The following CABP5 variants were observed in gnomAD, a reference collection of about 807,000 sequenced individuals.
CABP5 encodes the protein calcium-binding protein 5.
CABP5 carries 17 observed loss-of-function variants against 21.9 expected under a neutral mutation model. The observed-to-expected ratio is 0.78, with a 90% CI of 0.53 to 1.17. The LOEUF (loss-of-function observed/expected upper bound fraction) is 1.17. Among genes scored for constraint, CABP5 ranks in the 50% most tolerant of loss-of-function variants. The pLI is 0.00. For missense variants in CABP5, 229 were observed against 228.9 expected (o/e 1.00, Z 0.00); for synonymous variants, 85 against 79.4 (o/e 1.07, Z -0.37).
intron 5 of CABP5, among the ~76,000 whole-genome samples, chr19:48,030,882 C>A (rs1214458732): frequency 6.6e-6 from 1 of 150,864 alleles, no homozygotes. Flanking sequence ...AATCCCAGAA[C>A]TTTGGGAGGC....
In CABP5 at chr19:48,040,649, G is replaced by A. The variant is rs34862923; in HGVS notation, c.194C>T (p.Thr65Met). ...GCCGAGCTCAATCAGTTCCATCTCC[G>A]TGGGCATGTAACCCATCGTCCTCAT... ...NLMRTMGYMP[T>M]EMELIELGQQ... is the part of the protein sequence containing the mutation. The change falls in exon 3 of 6, where the codon ACG becomes ATG. Residue 65 changes from threonine to methionine, a missense_variant. Physicochemically the swap from Thr to Met is moderately conservative, Grantham distance 81. Coordinates refer to ENST00000293255, the MANE Select transcript of CABP5 (RefSeq NM_019855.5). The A allele has an allele frequency of 5.6e-5, 90 of 1,613,670 alleles. 2 individuals are homozygous for A. In the South Asian group the frequency reaches 8.3e-4, roughly 15 times the overall value.
chr19:48,031,268 G>T (rs1001775419), intron 5 of CABP5, among the ~76,000 whole-genome samples: 1 of 152,026 alleles, frequency 6.6e-6, no homozygotes, highest in Admixed American at 6.6e-5. Flanking sequence ...GGCCGGGCGC[G>T]GTGGCTCATA....
chr19:48,042,787 C>T (rs776023751), intron 1 of CABP5, among the ~76,000 whole-genome samples: 17 of 152,184 alleles, frequency 1.1e-4, no homozygotes, highest in Middle Eastern at 3.4e-3. Flanking sequence ...CTTGGCCAGG[C>T]TGGTCTTGAC....
At chr19:48,040,857 T>A in intron 2 of CABP5, 109 bp from the exon 3 acceptor site, 1 of 1,084,984 alleles carries the variant, frequency 9.2e-7, no homozygotes, top group Non-Finnish European at 1.3e-6. Flanking sequence ...TAAAGGAGCG[T>A]ACATTAGAAA....
rs141081429 is a variant in CABP5, at chr19:48,034,086, C to T, written c.496+129G>A. 9.7e-4 allele frequency: 868 copies of T among 892,304 alleles called. 7 individuals are homozygous for T. The African/African-American group carries it at 0.014, about 14-fold the overall frequency. 55.3% of individuals were successfully genotyped at this position (892,304 alleles called of 1,614,324 possible). On this transcript the variant is annotated intron_variant, in intron 5 of 5. Transcript: ENST00000293255. ...CAGAACAAATGCTTCCAAAACCTGCCACCCGCTTCCATTCTCAAACTTGGA... is the reference window on the plus strand; with the variant it reads ...CAGAACAAATGCTTCCAAAACCTGCTACCCGCTTCCATTCTCAAACTTGGA...
chr19:48,043,906 C>A lies in CABP5; in HGVS notation c.17G>T (p.Gly6Val). The A allele has an allele frequency of 6.7e-7, 1 of 1,502,998 alleles. No homozygotes were observed. The highest frequency in any genetic ancestry group is 1.3e-5 in the South Asian group (1 of 76,096). 93.1% of individuals were successfully genotyped at this position (1,502,998 alleles called of 1,614,324 possible). Reference sequence around the variant, plus strand: ...TTTCCTCAAGAAGATGCAGGCGGGGCCCATGGGGAACTGCATGGAGGGGTG... The same window carrying A: ...TTTCCTCAAGAAGATGCAGGCGGGGACCATGGGGAACTGCATGGAGGGGTG... MQFPM[G>V]PACIFLRKGI... The change falls in exon 1 of 6, where the codon GGC becomes GTC. Residue 6 changes from glycine (G) to valine (V), a missense_variant. Gly to Val is a moderately radical substitution (Grantham distance 109, BLOSUM62 -3). Coordinates refer to ENST00000293255, the MANE Select transcript of CABP5 (RefSeq NM_019855.5).
chr19:48,040,829 C>T, intron 2 of CABP5, 81 bp from the exon 3 acceptor site: 6 of 1,410,266 alleles, frequency 4.3e-6, no homozygotes, highest in Non-Finnish European at 6.0e-6. Flanking sequence ...ATCAATGAGG[C>T]TCCAACTAGA....
chr19:48,037,340 C>G (rs1967423949), intron 4 of CABP5, among the ~76,000 whole-genome samples: 1 of 124,346 alleles, frequency 8.0e-6, no homozygotes, highest in Non-Finnish European at 1.6e-5. Context: ...GCGATCTTGG[C>G]TCACTGCAAC....
Position 48,040,713 on chromosome 19 carries a change from G to T in CABP5, c.130C>A (p.Arg44=), listed in dbSNP as rs750592102. The T allele has an allele frequency of 3.7e-6, 6 of 1,613,798 alleles. No individual in the cohort carries two copies. The highest frequency in any genetic ancestry group is 4.2e-6 in the Non-Finnish European group (5 of 1,179,930). Residue 44 remains arginine, a synonymous_variant, in exon 3 of 6, where the codon CGA becomes AGA. Transcript: ENST00000293255. ...TCCTTACAAGAGATGAACCCATCTCGGTCCTTATCGAACTCAAGAAATGCT... is the reference window on the plus strand; with the variant it reads ...TCCTTACAAGAGATGAACCCATCTCTGTCCTTATCGAACTCAAGAAATGCT... ...REAFLEFDKD[R]DGFISCKDLG... is the part of the protein sequence containing the mutation.
At chr19:48,039,720 T>G (rs886367506) in intron 3 of CABP5, among the ~76,000 whole-genome samples, 2 of 133,492 alleles carry the variant, frequency 1.5e-5, no homozygotes, top group African/African-American at 5.6e-5. Context: ...TTTTTTTTTT[T>G]TTTTTTTTTT....
At chr19:48,036,466 A>T (rs1407832531) in intron 4 of CABP5, among the ~76,000 whole-genome samples, 1 of 152,184 alleles carries the variant, frequency 6.6e-6, no homozygotes, top group Non-Finnish European at 1.5e-5. Context: ...ACTTAAAATA[A>T]CCACACTCAT....
chr19:48,042,340 C>T (rs1007025285), intron 1 of CABP5, among the ~76,000 whole-genome samples: 3 of 152,158 alleles, frequency 2.0e-5, no homozygotes, highest in Non-Finnish European at 2.9e-5. Context: ...AGGGTCAGTG[C>T]CAGCATGACC....
chr19:48,030,757 T>C (rs1354739104), intron 5 of CABP5, among the ~76,000 whole-genome samples, 175 bp from the exon 6 acceptor site: 1 of 152,194 alleles, frequency 6.6e-6, no homozygotes, highest in Non-Finnish European at 1.5e-5. Flanking sequence ...CTGTGGCAAG[T>C]TACTTAACCC....
At position 48,029,492 on chromosome 19, in the gene CABP5, C is replaced by T. The variant is rs1408184849; in HGVS notation, c.*1065G>A. Among the ~76,000 whole-genome samples, 5 of 151,826 alleles carry T rather than the reference C, an allele frequency of 3.3e-5. No individual in the cohort carries two copies. The highest frequency in any genetic ancestry group is 6.6e-5 in the Admixed American group (1 of 15,220). On this transcript the variant is annotated 3_prime_UTR_variant, in exon 6 of 6. Transcript: ENST00000293255. ...CTCTTTTCTGTTTCATGGCACAGATCGATGTCAGGACGTGAGGGACGGAAC... is the reference window on the plus strand; with the variant it reads ...CTCTTTTCTGTTTCATGGCACAGATTGATGTCAGGACGTGAGGGACGGAAC...
chr19:48,030,540 G>T lies in CABP5; in HGVS notation c.*17C>A, dbSNP rs776680841. ...ATGTTGACCAGGTGGAGAGGGTCTG[G>T]AGCTTCCAGGACCTCCTCAGCGAGA... is the stretch of plus-strand genomic sequence containing the variant. On this transcript the variant is annotated 3_prime_UTR_variant, in exon 6 of 6. Transcript: ENST00000293255. The T allele has an allele frequency of 3.7e-6, 6 of 1,611,840 alleles. No individual in the cohort carries two copies. The South Asian group carries it at 6.6e-5, about 18-fold the overall frequency.
In CABP5 at chr19:48,030,387, G is replaced by C. The variant is rs1365690039; in HGVS notation, c.*170C>G. Reference sequence around the variant, plus strand: ...CTGCAGACGCCCCCATCCTGGCAAAGATACCGCTCTGGGTCTCACCCCATG... The same window carrying C: ...CTGCAGACGCCCCCATCCTGGCAAACATACCGCTCTGGGTCTCACCCCATG... On this transcript the variant is annotated 3_prime_UTR_variant, in exon 6 of 6. Coordinates refer to ENST00000293255, the MANE Select transcript of CABP5 (RefSeq NM_019855.5). The C allele has an allele frequency of 1.7e-6, 1 of 577,766 alleles. No individual in the cohort carries two copies. The highest frequency in any genetic ancestry group is 3.0e-6 in the Non-Finnish European group (1 of 329,636). 35.8% of individuals were successfully genotyped at this position (577,766 alleles called of 1,614,324 possible).
chr19:48,035,924 C>T (rs906046399), intron 4 of CABP5, among the ~76,000 whole-genome samples: 2 of 152,150 alleles, frequency 1.3e-5, no homozygotes, highest in African/African-American at 4.8e-5. Context: ...ATCTGATATA[C>T]ATTTTAAAAG....
chr19:48,040,626 C>G lies in CABP5; in HGVS notation c.217G>C (p.Gly73Arg), dbSNP rs146593118. The part of the protein sequence containing the change: ...MPTEMELIEL[G>R]QQIRMNLGGR... ...TCACGGTTCATGCGGATTTGCTGGC[C>G]GAGCTCAATCAGTTCCATCTCCGTG... Residue 73 changes from glycine to arginine, a missense_variant, in exon 3 of 6, where the codon GGC (glycine) becomes CGC (arginine). Gly to Arg is a moderately radical substitution (Grantham distance 125, BLOSUM62 -2). Transcript: ENST00000293255. The G allele has an allele frequency of 6.2e-7, 1 of 1,613,868 alleles. No individual in the cohort carries two copies. Among genetic ancestry groups the G allele is most frequent in the Non-Finnish European group, 8.5e-7 (1 of 1,179,846 alleles).
rs748571516 is a variant in CABP5, at chr19:48,041,567, T to C, written c.94+6A>G. On this transcript the variant is annotated splice_donor_region_variant and intron_variant, in intron 2 of 5. Coordinates refer to ENST00000293255, the MANE Select transcript of CABP5 (RefSeq NM_019855.5). ...ACGTGGAAGCAACTGGGGAAGACGG[T>C]GTTACCTTCAATCTCATCTTGTCCC... 1 of 1,611,910 alleles carries C rather than the reference T, an allele frequency of 6.2e-7. No individual in the cohort carries two copies. Among genetic ancestry groups the C allele is most frequent in the South Asian group, 1.1e-5 (1 of 90,724 alleles).
Sources: allele counts gnomAD v4.1 joint callset (sites outside exome capture counted in the v4.1 genomes callset), GRCh38; gene constraint gnomAD v4.1.1; transcripts MANE v1.5; gene names NCBI Gene and HGNC (gene_info 2026-07-23, HGNC 2026-07-21).